Variants in FHIT observed in about 807,000 individuals in gnomAD.
The protein encoded by FHIT is fragile histidine triad diadenosine triphosphatase.
Under a neutral mutation model 17.9 loss-of-function variants are expected in FHIT, and 19 were observed. The observed-to-expected ratio is 1.06, with a 90% confidence interval of 0.74 to 1.56. FHIT has a LOEUF of 1.56. Among genes scored for constraint, FHIT ranks in the 40% most tolerant of loss-of-function variants. FHIT has a pLI of 0.00. For missense variants in FHIT, 248 were observed against 189.2 expected (o/e 1.31, Z -1.82); for synonymous variants, 81 against 69.7 (o/e 1.16, Z -0.81).
chr3:60,717,962 T>C (rs1553707205), intron 4 of FHIT, among the ~76,000 whole-genome samples: 1 of 152,198 alleles, frequency 6.6e-6, no homozygotes, highest in Non-Finnish European at 1.5e-5. Flanking sequence ...TCAACAGCTA[T>C]AAATTTGTTG....
chr3:61,249,101 G>A (rs2040552061), intron 1 of FHIT, among the ~76,000 whole-genome samples: 1 of 152,102 alleles, frequency 6.6e-6, no homozygotes, highest in Non-Finnish European at 1.5e-5. Context: ...AATTGGTCCT[G>A]GTCTGTGGCC....
At chr3:60,544,402 T>C (rs1576847921) in intron 4 of FHIT, among the ~76,000 whole-genome samples, 1 of 152,060 alleles carries the variant, frequency 6.6e-6, no homozygotes, top group Non-Finnish European at 1.5e-5. Flanking sequence ...ATATCACTGA[T>C]GACACAATTG....
At chr3:60,391,410 T>G (rs1701227685) in intron 5 of FHIT, among the ~76,000 whole-genome samples, 1 of 152,168 alleles carries the variant, frequency 6.6e-6, no homozygotes, top group Non-Finnish European at 1.5e-5. Context: ...AAATTTAGCA[T>G]AGCCTAAGTG....
intron 5 of FHIT, among the ~76,000 whole-genome samples, chr3:60,130,953 CAAT>C (rs1462362006): frequency 2.6e-5 from 3 of 116,466 alleles, no homozygotes; most frequent in Non-Finnish European, 4.2e-5. Context: ...ACATATGTGA[CAAT>C]AAACCAGTAG....
intron 8 of FHIT, among the ~76,000 whole-genome samples, chr3:59,860,497 T>C (rs1702359536): frequency 6.6e-6 from 1 of 152,228 alleles, no homozygotes; most frequent in South Asian, 2.1e-4. Flanking sequence ...TTAGGTGTAA[T>C]ATAATTCTTC....
chr3:60,910,537 G>A (rs1259860305), intron 3 of FHIT, among the ~76,000 whole-genome samples: 1 of 151,152 alleles, frequency 6.6e-6, no homozygotes, highest in African/African-American at 2.4e-5. Context: ...TCAGCCTCCC[G>A]AGTAGCTGGG....
intron 5 of FHIT, among the ~76,000 whole-genome samples, chr3:60,110,431 G>C (rs978454683): frequency 6.6e-6 from 1 of 152,118 alleles, no homozygotes; most frequent in African/African-American, 2.4e-5. Flanking sequence ...TCTAAGGAGT[G>C]ATTAAAGCAG....
intron 5 of FHIT, among the ~76,000 whole-genome samples, chr3:60,492,753 C>T (rs1356096265): frequency 6.6e-6 from 1 of 151,948 alleles, no homozygotes; most frequent in Non-Finnish European, 1.5e-5. Context: ...GTGATCCACC[C>T]GCCTCTCTCC....
At chr3:61,060,244 G>GC (rs1169103411) in intron 2 of FHIT, among the ~76,000 whole-genome samples, 1 of 152,222 alleles carries the variant, frequency 6.6e-6, no homozygotes, top group Non-Finnish European at 1.5e-5. Context: ...GTTGTGACCA[G>GC]AAATATGCCA....
chr3:60,955,635 C>CACAT lies in FHIT; in HGVS notation c.-111+86411_-111+86412insATGT, dbSNP rs68147355. ...ATATATATATATATATATATATATA[C>CACAT]ACACACACACATATATACATGTGAC... On this transcript the variant is annotated intron_variant, in intron 3 of 9. Coordinates refer to ENST00000492590, the MANE Select transcript of FHIT (RefSeq NM_002012.4). 7.6e-4 allele frequency among the ~76,000 whole-genome samples: 37 copies of CACAT among 48,368 alleles called. 2 individuals are homozygous for CACAT. The highest frequency in any genetic ancestry group is 3.1e-3 in the South Asian group (5 of 1,592). 31.7% of individuals were successfully genotyped at this position (48,368 alleles called of 152,430 possible). A position where few individuals can be genotyped will look rare whatever the true frequency, so the allele number is the denominator to read the frequency against.
At chr3:61,006,650 T>C (rs2031472170) in intron 3 of FHIT, among the ~76,000 whole-genome samples, 1 of 151,512 alleles carries the variant, frequency 6.6e-6, no homozygotes, top group African/African-American at 2.4e-5. Context: ...GAGAACTGCA[T>C]CACACTTTTA....
chr3:60,969,128 T>G (rs966394239), intron 3 of FHIT, among the ~76,000 whole-genome samples: 5 of 152,272 alleles, frequency 3.3e-5, no homozygotes, highest in Middle Eastern at 3.4e-3. Context: ...CTTAAATGTT[T>G]GGAAGAATTT....
At chr3:61,045,227 T>G (rs893936075) in intron 2 of FHIT, among the ~76,000 whole-genome samples, 1 of 152,198 alleles carries the variant, frequency 6.6e-6, no homozygotes, top group Non-Finnish European at 1.5e-5. Context: ...TGTGCTCTAT[T>G]CAGGAGACCC....
chr3:60,861,224 T>TATC (rs1553752450), intron 3 of FHIT, among the ~76,000 whole-genome samples: 3 of 32,536 alleles, frequency 9.2e-5, no homozygotes, highest in African/African-American at 2.7e-4. Flanking sequence ...ATATATGATA[T>TATC]ATATGATATA....
chr3:60,034,553 G>A (rs1235725955), intron 5 of FHIT, among the ~76,000 whole-genome samples: 3 of 152,096 alleles, frequency 2.0e-5, no homozygotes, highest in Non-Finnish European at 2.9e-5. Flanking sequence ...GTATATCTTC[G>A]TCAACATGTT....
intron 3 of FHIT, among the ~76,000 whole-genome samples, chr3:60,959,147 A>G (rs2107488746): frequency 6.6e-6 from 1 of 152,330 alleles, no homozygotes; most frequent in South Asian, 2.1e-4. Flanking sequence ...TAAAGGCTTT[A>G]TAAATGTAAC....
intron 5 of FHIT, among the ~76,000 whole-genome samples, chr3:60,285,595 C>A (rs1441695770): frequency 6.6e-6 from 1 of 152,074 alleles, no homozygotes; most frequent in South Asian, 2.1e-4. Context: ...ATTTTTCAGG[C>A]ATAATTACAG....
chr3:60,143,588 T>G (rs1700123393), intron 5 of FHIT, among the ~76,000 whole-genome samples: 1 of 152,116 alleles, frequency 6.6e-6, no homozygotes, highest in Non-Finnish European at 1.5e-5. Flanking sequence ...GTTTTAAACT[T>G]CAGAGTTTTG....
chr3:59,935,643 A>T (rs1706197119), intron 7 of FHIT, among the ~76,000 whole-genome samples: 1 of 151,132 alleles, frequency 6.6e-6, no homozygotes, highest in African/African-American at 2.4e-5. Context: ...GAATGGATGG[A>T]TGGGTGGGGT....
Sources: allele counts gnomAD v4.1 joint callset (sites outside exome capture counted in the v4.1 genomes callset), GRCh38; gene constraint gnomAD v4.1.1; transcripts MANE v1.5; gene names NCBI Gene and HGNC (gene_info 2026-07-23, HGNC 2026-07-21).